DENND1C: variants seen among roughly 807,000 people sequenced by gnomAD.
The protein encoded by DENND1C is DENN domain containing 1C, also known as DENN domain-containing protein 1C.
Under a neutral mutation model 87.9 loss-of-function variants are expected in DENND1C, and 64 were observed. The ratio of observed to expected loss-of-function variants is 0.73; its 90% confidence interval spans 0.60 to 0.90. The LOEUF is 0.90. DENND1C is among the 40% of genes least tolerant of loss of function. The probability of loss-of-function intolerance (pLI) is 0.00; values close to 1 mark genes in which losing one functional copy is unlikely to be tolerated. For missense variants in DENND1C, 980 were observed against 1,037.0 expected (o/e 0.95, Z 0.76); for synonymous variants, 384 against 424.4 (o/e 0.90, Z 1.17).
In DENND1C at chr19:6,476,861, C is replaced by G. The variant is rs1321438322; in HGVS notation, c.674G>C (p.Ser225Thr). ...RRVLLTASKL[S>T]TLTSCVHASC... ...GCCCGGCGGACCCCGCCTCACGGTG[C>G]TGAGTTTGCTGGCGGTGAGCAGGAC... The change falls in exon 10 of 23, where the codon AGC (serine) becomes ACC (threonine). Residue 225 changes from serine (S) to threonine (T), a missense_variant. Coordinates refer to ENST00000381480, the MANE Select transcript of DENND1C (RefSeq NM_024898.4). 4 of 1,611,572 alleles carry G rather than the reference C, an allele frequency of 2.5e-6. No individual in the cohort carries two copies. The highest frequency in any genetic ancestry group is 2.2e-5 in the East Asian group (1 of 44,864).
Position 6,475,863 on chromosome 19 carries a change from C to T in DENND1C, c.753G>A (p.Leu251=). The T allele has an allele frequency of 6.4e-7, 1 of 1,550,624 alleles. No individual in the cohort carries two copies. The highest frequency in any genetic ancestry group is 8.7e-7 in the Non-Finnish European group (1 of 1,152,956). Residue 251 remains leucine, a synonymous_variant, in exon 11 of 23, where the codon CTG becomes CTA. Coordinates refer to ENST00000381480, the MANE Select transcript of DENND1C (RefSeq NM_024898.4). ...MRWEHVLIPT[L]PPHLLDYCCA... The stretch of plus-strand genomic sequence containing the variant: ...AGCAGTAGTCCAGCAGGTGTGGGGG[C>T]AGCGTGGGGATCAGCACGTGCTCCC...
intron 1 of DENND1C, 121 bp from the exon 2 acceptor site, chr19:6,480,172 C>T: frequency 6.7e-7 from 1 of 1,499,884 alleles, no homozygotes; most frequent in South Asian, 1.3e-5. Flanking sequence ...ATGTGCATGA[C>T]TCTGGGGGTT....
At chr19:6,475,188 C>T in intron 14 of DENND1C, 86 bp downstream of exon 14, 5 of 1,587,444 alleles carry the variant, frequency 3.1e-6, no homozygotes, top group Admixed American at 3.4e-5. Context: ...TGAGCCACTG[C>T]GTCCGGCCAT....
At chr19:6,480,170 G>T in intron 1 of DENND1C, 119 bp from the exon 2 acceptor site, 1 of 1,500,924 alleles carries the variant, frequency 6.7e-7, no homozygotes, top group South Asian at 1.3e-5. Flanking sequence ...GCATGTGCAT[G>T]ACTCTGGGGG....
At chr19:6,473,086 C>T in intron 14 of DENND1C, 93 bp from the exon 15 acceptor site, 1 of 929,506 alleles carries the variant, frequency 1.1e-6, no homozygotes, top group Non-Finnish European at 1.5e-6. Context: ...TGATTAGGCA[C>T]TTGCTGTGTG....
At chr19:6,471,159 C>G (rs11882213) in intron 17 of DENND1C, 106 bp downstream of exon 17, 3 of 1,471,182 alleles carry the variant, frequency 2.0e-6, no homozygotes, top group Admixed American at 2.0e-5. Context: ...TTGCCCTAAC[C>G]GGTCTCAAAC....
Position 6,479,660 on chromosome 19 carries a change from C to T in DENND1C, c.176+9G>A, listed in dbSNP as rs1406581184. The T allele has an allele frequency of 6.2e-7, 1 of 1,613,766 alleles. No homozygotes were observed. Among genetic ancestry groups the T allele is most frequent in the East Asian group, 2.2e-5 (1 of 44,900 alleles). ...CCCTGAGTCCTTGGATCTCCCCGCC[C>T]TTCCGTACCTTTCCACATCAAAAGG... On this transcript the variant is annotated intron_variant, in intron 4 of 22. Transcript: ENST00000381480.
At chr19:6,473,382 T>C (rs1454966105) in intron 14 of DENND1C, among the ~76,000 whole-genome samples, 7 of 151,850 alleles carry the variant, frequency 4.6e-5, no homozygotes, top group Admixed American at 4.6e-4. Context: ...CTCCATCTCT[T>C]GACCTCGTGA....
At position 6,468,895 on chromosome 19, in the gene DENND1C, C is replaced by A. The variant is rs754805887; in HGVS notation, c.1466G>T (p.Arg489Leu). ...GAGGCGTTGCTGCAGGCGGTCTGAG[C>A]GGCTGGGGAGGGCTGGGGCCCTCAG... Reference protein sequence around the residue: ...GSLRAPALPSRSDRLQQRLPI... With the variant: ...GSLRAPALPSLSDRLQQRLPI... Residue 489 changes from arginine to leucine, a missense_variant, in exon 20 of 23, where the codon CGC (arginine) becomes CTC (leucine). Coordinates refer to ENST00000381480, the MANE Select transcript of DENND1C (RefSeq NM_024898.4). The A allele has an allele frequency of 5.3e-6, 8 of 1,500,002 alleles. No individual in the cohort carries two copies. The highest frequency in any genetic ancestry group is 7.1e-6 in the Non-Finnish European group (8 of 1,129,984). The allele number at this position is 1,500,002 out of a possible 1,614,324, so 92.9% of individuals were successfully genotyped here.
chr19:6,476,643 A>C (rs1051304796), intron 10 of DENND1C: 2 of 564,606 alleles, frequency 3.5e-6, no homozygotes, highest in Non-Finnish European at 3.1e-6. Flanking sequence ...GAGCCTGAGC[A>C]CAGTACTCCC....
rs759232093 is a variant in DENND1C, at chr19:6,468,387, C to T, written c.1638G>A (p.Leu546=). The part of the protein sequence containing the change: ...DEGCPWAEEA[L]DSSFLGSGEE... ...CTCCAGACCCCAAGAAGCTGCTGTC[C>T]AGAGCTTCTTCTGCCCACGGGCACC... The change falls in exon 22 of 23, where the codon CTG becomes CTA. Residue 546 remains leucine, a synonymous_variant. Coordinates refer to ENST00000381480, the MANE Select transcript of DENND1C (RefSeq NM_024898.4). The T allele has an allele frequency of 3.8e-5, 62 of 1,613,782 alleles. No homozygotes were observed. The East Asian group carries it at 1.4e-3, about 36-fold the overall frequency.
chr19:6,473,705 A>C (rs917726423), intron 14 of DENND1C, among the ~76,000 whole-genome samples: 9 of 151,318 alleles, frequency 5.9e-5, no homozygotes, highest in Non-Finnish European at 1.2e-4. Context: ...CCTGGGCTCA[A>C]GCAATCCACA....
Position 6,477,232 on chromosome 19 carries a change from C to G in DENND1C, c.499G>C (p.Gly167Arg). ...SGQGIPPPTR[G>R]NSKPLSCFVA... Reference sequence around the variant, plus strand: ...GCCCCGCTCACCGGCTTGCTATTCCCCCGGGTAGGGGGGGGGATACCCTGC... The same window carrying G: ...GCCCCGCTCACCGGCTTGCTATTCCGCCGGGTAGGGGGGGGGATACCCTGC... The change falls in exon 8 of 23, where the codon GGG becomes CGG. Residue 167 changes from glycine (G) to arginine (R), a missense_variant. By Grantham distance (125) the Gly-to-Arg change is moderately radical. Coordinates refer to ENST00000381480, the MANE Select transcript of DENND1C (RefSeq NM_024898.4). 6.3e-7 allele frequency: 1 copy of G among 1,585,114 alleles called. No individual in the cohort carries two copies. The highest frequency in any genetic ancestry group is 8.6e-7 in the Non-Finnish European group (1 of 1,165,382).
At position 6,467,545 on chromosome 19, in the gene DENND1C, G is replaced by A. The variant is rs753020561; in HGVS notation, c.2365C>T (p.Arg789Trp). 53 of 1,608,564 alleles carry A rather than the reference G, an allele frequency of 3.3e-5. No homozygotes were observed. Among genetic ancestry groups the A allele is most frequent in the Non-Finnish European group, 4.2e-5 (50 of 1,177,990 alleles). ...SNCQKSQPSS[R>W]PRVADLKKCF... ...TTCTTAAGATCAGCGACTCTGGGCC[G>A]GCTGCTGGGCTGGGACTTTTGACAG... Residue 789 changes from arginine (R) to tryptophan (W), a missense_variant, in exon 23 of 23, where the codon CGG becomes TGG. Transcript: ENST00000381480.
At chr19:6,479,605 G>C (rs1025235676) in intron 4 of DENND1C, 64 bp downstream of exon 4, 1 of 1,604,364 alleles carries the variant, frequency 6.2e-7, no homozygotes, top group African/African-American at 1.3e-5. Context: ...TCTAGGTGTT[G>C]AGTCCTTGGG....
rs988726324 is a variant in DENND1C, at chr19:6,478,021, G to A, written c.367-563C>T. Among the ~76,000 whole-genome samples, 5 of 152,010 alleles carry A rather than the reference G, an allele frequency of 3.3e-5. No homozygotes were observed. In the East Asian group the frequency reaches 6.0e-4, roughly 18 times the overall value. ...ACCCGGAATGCGGAGGTTGCAGTGA[G>A]GCGGAATCGCACCACCGCACTCCAG... On this transcript the variant is annotated intron_variant, in intron 6 of 22. Coordinates refer to ENST00000381480, the MANE Select transcript of DENND1C (RefSeq NM_024898.4).
chr19:6,479,868 G>T lies in DENND1C; in HGVS notation c.117C>A (p.Phe39Leu). ...PPILRQFPPD[F>L]RDQEAMQMVP... ...GAGCCAGCCTGAATACCTGGTCCCT[G>T]AAGTCTGGAGGGAACTGCCGCAGGA... Residue 39 changes from phenylalanine to leucine, a missense_variant, in exon 3 of 23, where the codon TTC becomes TTA. Physicochemically the swap from Phe to Leu is conservative, Grantham distance 22. Coordinates refer to ENST00000381480, the MANE Select transcript of DENND1C (RefSeq NM_024898.4). 6.2e-7 allele frequency: 1 copy of T among 1,610,262 alleles called. No homozygotes were observed.
intron 15 of DENND1C, 108 bp from the exon 16 acceptor site, chr19:6,471,604 T>G: frequency 2.0e-6 from 2 of 997,544 alleles, no homozygotes; most frequent in Admixed American, 2.9e-5. Context: ...GCCTCCAACC[T>G]GCCCACCCCC....
At chr19:6,476,364 A>AG (rs1044254676) in intron 10 of DENND1C, 8 of 185,428 alleles carry the variant, frequency 4.3e-5, no homozygotes, top group African/African-American at 1.4e-4. Flanking sequence ...CCCCGCCCCT[A>AG]GGGGTGGAGC....
Sources: allele counts gnomAD v4.1 joint callset (sites outside exome capture counted in the v4.1 genomes callset), GRCh38; gene constraint gnomAD v4.1.1; transcripts MANE v1.5; gene names NCBI Gene and HGNC (gene_info 2026-07-23, HGNC 2026-07-21).